Variants in ABCA6 observed in about 807,000 individuals in gnomAD.
ABCA6 encodes ATP-binding cassette sub-family A member 6.
ABCA6 carries 164 observed loss-of-function variants against 191.2 expected under a neutral mutation model. The observed-to-expected ratio is 0.86, with a 90% CI of 0.76 to 0.98. ABCA6 has a LOEUF of 0.98. Ranked by LOEUF, ABCA6 falls within the 50% of genes least tolerant of loss-of-function variation. The pLI is 0.00. For missense variants in ABCA6, 1,958 were observed against 1,894.1 expected (o/e 1.03, Z -0.63); for synonymous variants, 636 against 647.7 (o/e 0.98, Z 0.27).
At chr17:69,114,350 T>G (rs1959664356) in intron 13 of ABCA6, among the ~76,000 whole-genome samples, 2 of 133,146 alleles carry the variant, frequency 1.5e-5, no homozygotes, top group Admixed American at 1.8e-4. Flanking sequence ...CACTCATAGG[T>G]GGGAATTGAA....
intron 26 of ABCA6, among the ~76,000 whole-genome samples, chr17:69,090,188 T>C (rs1816196612): frequency 6.6e-6 from 1 of 152,204 alleles, no homozygotes; most frequent in Non-Finnish European, 1.5e-5. Flanking sequence ...AGATGTATTT[T>C]TGCAAATGGA....
At chr17:69,097,323 G>A (rs375793890) in intron 23 of ABCA6, among the ~76,000 whole-genome samples, 172 of 151,760 alleles carry the variant, frequency 1.1e-3, no homozygotes, top group African/African-American at 4.0e-3. Context: ...CCCGGGAGGC[G>A]GAGTTTGCAG....
At chr17:69,113,594 T>A (rs770787935) in intron 14 of ABCA6, 24 bp downstream of exon 14, 98 of 1,612,536 alleles carry the variant, frequency 6.1e-5, no homozygotes, top group Non-Finnish European at 8.2e-5. Flanking sequence ...ACCTGCTTCC[T>A]TCCCCATGCA....
chr17:69,133,114 T>C (rs932786730), intron 6 of ABCA6, among the ~76,000 whole-genome samples: 6 of 152,200 alleles, frequency 3.9e-5, no homozygotes, highest in African/African-American at 1.2e-4. Context: ...CTAGGAATAT[T>C]ATGTGGGCTC....
intron 10 of ABCA6, among the ~76,000 whole-genome samples, chr17:69,121,837 A>G (rs1417563997): frequency 6.6e-6 from 1 of 152,016 alleles, no homozygotes; most frequent in African/African-American, 2.4e-5. Flanking sequence ...GTTTTATGGA[A>G]TTATTCCTCA....
chr17:69,087,401 T>G lies in ABCA6; in HGVS notation c.3771A>C (p.Thr1257=), dbSNP rs1393786941. 1 of 1,614,040 alleles carries G rather than the reference T, an allele frequency of 6.2e-7. No individual in the cohort carries two copies. Among genetic ancestry groups the G allele is most frequent in the Non-Finnish European group, 8.5e-7 (1 of 1,179,900 alleles). The change falls in exon 29 of 39, where the codon ACA becomes ACC. Residue 1257 remains threonine (T), a synonymous_variant. Coordinates refer to ENST00000284425, the MANE Select transcript of ABCA6 (RefSeq NM_080284.3). ...EPIDEDEDIQ[T]ERIRTATALT... is the part of the protein sequence containing the mutation. The stretch of plus-strand genomic sequence containing the variant: ...GAGCAGTGGCTGTTCTTATTCTTTC[T>G]GTTTGAATATCTTCATCTTCATCTA...
intron 37 of ABCA6, among the ~76,000 whole-genome samples, chr17:69,080,244 C>T (rs948531917): frequency 1.3e-5 from 2 of 152,058 alleles, no homozygotes; most frequent in African/African-American, 4.8e-5. Context: ...TCATTTAATC[C>T]TAACAACATG....
At chr17:69,123,025 AG>A (rs2073678519) in intron 10 of ABCA6, among the ~76,000 whole-genome samples, 1 of 82,824 alleles carries the variant, frequency 1.2e-5, no homozygotes, top group South Asian at 5.1e-4. Flanking sequence ...GGGTAGGGGG[AG>A]GGGGGAGGGA....
chr17:69,100,672 T>C, intron 22 of ABCA6, 125 bp downstream of exon 22: 2 of 1,086,520 alleles, frequency 1.8e-6, no homozygotes, highest in Non-Finnish European at 2.5e-6. Context: ...CCATTGAAAA[T>C]ATTAGGATAA....
Position 69,130,316 on chromosome 17 carries a change from C to CA in ABCA6, c.792-566dup, listed in dbSNP as rs374056337. 1.2e-3 allele frequency among the ~76,000 whole-genome samples: 154 copies of CA among 130,818 alleles called. 1 individual carries two copies. Among genetic ancestry groups the CA allele is most frequent in the African/African-American group, 1.7e-3 (60 of 35,114 alleles). 85.8% of individuals were successfully genotyped at this position (130,818 alleles called of 152,430 possible). On this transcript the variant is annotated intron_variant, in intron 6 of 38. Coordinates refer to ENST00000284425, the MANE Select transcript of ABCA6 (RefSeq NM_080284.3). The stretch of plus-strand genomic sequence containing the variant: ...TGGGTGACAGAGCGAGACTCCATCT[C>CA]AAAAAAAAAAAAAGGATGCCAAAAT...
At position 69,121,596 on chromosome 17, in the gene ABCA6, T is replaced by C. The variant is rs543700344; in HGVS notation, c.1436+1643A>G. 2.6e-5 allele frequency among the ~76,000 whole-genome samples: 4 copies of C among 151,836 alleles called. No homozygotes were observed. The South Asian group carries it at 8.3e-4, about 32-fold the overall frequency. On this transcript the variant is annotated intron_variant, in intron 10 of 38. Transcript: ENST00000284425. ...GCTAGGTTTGGAGGCACAGTGGGGA[T>C]GTGGGAGAAGAAGGGAGAAGTTGGG...
chr17:69,110,726 C>G, intron 17 of ABCA6, 75 bp downstream of exon 17: 1 of 1,475,290 alleles, frequency 6.8e-7, no homozygotes, highest in Non-Finnish European at 9.0e-7. Context: ...ATTCATTGGA[C>G]AAAGAAAATT....
intron 10 of ABCA6, 65 bp downstream of exon 10, chr17:69,123,174 T>C (rs1184922941): frequency 3.7e-6 from 4 of 1,087,932 alleles, no homozygotes; most frequent in Non-Finnish European, 4.8e-6. Flanking sequence ...AATAATAAAA[T>C]TAAAAATAAT....
chr17:69,120,284 C>T (rs1056348423), intron 10 of ABCA6, among the ~76,000 whole-genome samples: 1 of 152,012 alleles, frequency 6.6e-6, no homozygotes, highest in Non-Finnish European at 1.5e-5. Context: ...TTTATATCTG[C>T]TCAACCCGGA....
At chr17:69,133,932 A>G in intron 5 of ABCA6, 65 bp from the exon 6 acceptor site, 1 of 1,114,776 alleles carries the variant, frequency 9.0e-7, no homozygotes, top group Non-Finnish European at 1.3e-6. Flanking sequence ...ACTATGAGTA[A>G]GCTCTGTGTA....
intron 6 of ABCA6, among the ~76,000 whole-genome samples, chr17:69,132,581 A>T (rs1298132786): frequency 6.6e-6 from 1 of 152,190 alleles, no homozygotes; most frequent in East Asian, 1.9e-4. Context: ...CCCAGGTTCC[A>T]GCAATTCTCC....
intron 25 of ABCA6, 73 bp from the exon 26 acceptor site, chr17:69,091,335 C>T: frequency 6.6e-7 from 1 of 1,504,478 alleles, no homozygotes. Flanking sequence ...ATTTAAGATG[C>T]AGGTGTTCTC....
chr17:69,139,585 T>C (rs2073998222), intron 2 of ABCA6, among the ~76,000 whole-genome samples: 1 of 152,156 alleles, frequency 6.6e-6, no homozygotes, highest in African/African-American at 2.4e-5. Flanking sequence ...GACCCAGCCA[T>C]CTCATTACTG....
chr17:69,108,773 CATGGCAGCA>C (rs1568016279), intron 17 of ABCA6: 1 of 152,176 alleles, frequency 6.6e-6, no homozygotes, highest in Non-Finnish European at 1.5e-5. Flanking sequence ...ATGACCCGCA[CATGGCAGCA>C]ATGGACCTGG....
Sources: allele counts gnomAD v4.1 joint callset (sites outside exome capture counted in the v4.1 genomes callset), GRCh38; gene constraint gnomAD v4.1.1; transcripts MANE v1.5; gene names NCBI Gene and HGNC (gene_info 2026-07-23, HGNC 2026-07-21).